The following GARNL3 variants were observed in gnomAD, a reference collection of about 807,000 sequenced individuals.
The protein encoded by GARNL3 is GTPase activating Rap/RanGAP domain like 3.
GARNL3 carries 63 observed loss-of-function variants against 125.0 expected under a neutral mutation model. The observed-to-expected ratio is 0.50, with a 90% confidence interval of 0.41 to 0.62. The LOEUF is 0.62. Ranked by LOEUF, GARNL3 falls within the 20% of genes least tolerant of loss-of-function variation. The probability of loss-of-function intolerance (pLI) is 0.00; values close to 1 mark genes in which losing one functional copy is unlikely to be tolerated. For missense variants in GARNL3, 994 were observed against 1,244.0 expected (o/e 0.80, Z 3.02); for synonymous variants, 439 against 457.5 (o/e 0.96, Z 0.52).
chr9:127,257,527 A>G (rs914050283), intron 2 of GARNL3, among the ~76,000 whole-genome samples: 9 of 152,340 alleles, frequency 5.9e-5, no homozygotes, highest in Admixed American at 5.9e-4. Flanking sequence ...GGATTGCCAC[A>G]AGTCTTTATT....
chr9:127,326,614 A>T (rs534508378), intron 7 of GARNL3, among the ~76,000 whole-genome samples: 1 of 152,298 alleles, frequency 6.6e-6, no homozygotes, highest in Non-Finnish European at 1.5e-5. Context: ...CTAATGTATA[A>T]TACACCTACT....
chr9:127,297,705 A>T (rs2064646372), intron 2 of GARNL3, among the ~76,000 whole-genome samples: 2 of 152,252 alleles, frequency 1.3e-5, no homozygotes, highest in South Asian at 2.1e-4. Context: ...TCTATTTAGT[A>T]AAATTCAGTT....
chr9:127,386,334 A>G (rs1588980342), intron 24 of GARNL3, among the ~76,000 whole-genome samples: 1 of 152,248 alleles, frequency 6.6e-6, no homozygotes, highest in African/African-American at 2.4e-5. Context: ...CTTGTTCATT[A>G]CTAGTACTTT....
Position 127,333,077 on chromosome 9 carries a change from C to T in GARNL3, c.725C>T (p.Thr242Ile). ...KFLNLLGDTITLKGWTGYRGG... is the reference protein window; with the variant it reads ...KFLNLLGDTIILKGWTGYRGG... ...TTAAATCTTCTGGGTGACACAATCA[C>T]TCTAAAGGGCTGGACGGGCTACCGT... Residue 242 changes from threonine (T) to isoleucine (I), a missense_variant, in exon 9 of 28, where the codon ACT becomes ATT. By Grantham distance (89) the Thr-to-Ile change is moderately conservative. This residue lies in a region of GARNL3 where 71 missense variants were observed against 66.2 expected (regional missense o/e 1.07). Transcript: ENST00000373387. The T allele has an allele frequency of 6.2e-7, 1 of 1,614,120 alleles. No homozygotes were observed. Among genetic ancestry groups the T allele is most frequent in the Non-Finnish European group, 8.5e-7 (1 of 1,179,970 alleles).
intron 1 of GARNL3, among the ~76,000 whole-genome samples, chr9:127,231,228 G>GGT (rs1446896913): frequency 2.1e-4 from 21 of 100,526 alleles, no homozygotes; most frequent in Middle Eastern, 7.0e-3. Flanking sequence ...CTAATTTTTT[G>GGT]TTTTTTTTTT....
At chr9:127,237,948 C>T (rs1564839927) in intron 1 of GARNL3, among the ~76,000 whole-genome samples, 1 of 152,330 alleles carries the variant, frequency 6.6e-6, no homozygotes, top group East Asian at 1.9e-4. Flanking sequence ...CTCCTGTGCA[C>T]TTGTCACAGT....
intron 22 of GARNL3, among the ~76,000 whole-genome samples, chr9:127,374,521 A>G (rs1465784649): frequency 2.0e-5 from 3 of 152,232 alleles, no homozygotes; most frequent in Non-Finnish European, 4.4e-5. Context: ...ATTGAACTTC[A>G]TCAAAACTAA....
chr9:127,305,280 C>T (rs1422419249), intron 2 of GARNL3, among the ~76,000 whole-genome samples: 1 of 152,212 alleles, frequency 6.6e-6, no homozygotes, highest in Admixed American at 6.5e-5. Flanking sequence ...ACTAGTACTA[C>T]ACATCATCGG....
intron 22 of GARNL3, among the ~76,000 whole-genome samples, chr9:127,371,353 T>C (rs920545650): frequency 6.6e-6 from 1 of 152,162 alleles, no homozygotes; most frequent in Non-Finnish European, 1.5e-5. Context: ...CAAGCCAGCC[T>C]CTGCCTTCCT....
rs1022904444 is a variant in GARNL3 at position 127,364,027 on chromosome 9, A to G, written c.2095-1273A>G. ...GGCTAAGCCATTTGCCACACACCAC[A>G]GAGGCAGTAAGTGGCCTAGACAGGG... On this transcript the variant is annotated intron_variant, in intron 21 of 27. Transcript: ENST00000373387. This position sits in a 1 kb window ranked among gnomAD's most constrained non-coding sequence, Gnocchi z 4.2. 1.3e-5 allele frequency: 2 copies of G among 152,250 alleles called. No homozygotes were observed. Among genetic ancestry groups the G allele is most frequent in the African/African-American group, 4.8e-5 (2 of 41,442 alleles). The allele number at this position is 152,250 out of a possible 1,614,324, so 9.4% of individuals were successfully genotyped here.
At chr9:127,355,770 A>G (rs1180603782) in intron 20 of GARNL3, among the ~76,000 whole-genome samples, 1 of 152,266 alleles carries the variant, frequency 6.6e-6, no homozygotes. Context: ...AAATAAAGCT[A>G]TGATGGCTGG....
chr9:127,245,142 C>G (rs1176072064), intron 2 of GARNL3, among the ~76,000 whole-genome samples: 1 of 152,212 alleles, frequency 6.6e-6, no homozygotes, highest in Non-Finnish European at 1.5e-5. Flanking sequence ...GAGCTCCGAG[C>G]AGGAGTTAAA....
chr9:127,366,745 G>A (rs1290221592), intron 22 of GARNL3: 1 of 152,226 alleles, frequency 6.6e-6, no homozygotes, highest in Non-Finnish European at 1.5e-5. Context: ...AACAAATGTG[G>A]ATGCCATGGG....
At chr9:127,285,345 C>T (rs2064218923) in intron 1 of GARNL3, among the ~76,000 whole-genome samples, 1 of 152,196 alleles carries the variant, frequency 6.6e-6, no homozygotes, top group South Asian at 2.1e-4. Flanking sequence ...ATCGCTCGAA[C>T]TCGGGAGGCA....
In GARNL3 at chr9:127,249,535, G is replaced by A. The variant is rs188925261; in HGVS notation, c.143+6286G>A. On this transcript the variant is annotated intron_variant, in intron 2 of 10. Transcript: ENST00000439286. ...CGGGAAGTTGAGGCTGCAATGAGCC[G>A]TGATCGTGTCACTGTACTTCTGCCT... 7.9e-5 allele frequency among the ~76,000 whole-genome samples: 12 copies of A among 152,272 alleles called. No homozygotes were observed. The South Asian group carries it at 1.2e-3, about 16-fold the overall frequency.
At chr9:127,391,552 A>ATATATATATATATG (rs1292380673) in intron 27 of GARNL3, among the ~76,000 whole-genome samples, 3 of 128,994 alleles carry the variant, frequency 2.3e-5, no homozygotes, top group African/African-American at 8.6e-5. Context: ...ATATATATAT[A>ATATATATATATATG]GGCTGGGTCT....
chr9:127,247,378 G>T (rs1183921199), intron 2 of GARNL3, among the ~76,000 whole-genome samples: 1 of 152,200 alleles, frequency 6.6e-6, no homozygotes, highest in Non-Finnish European at 1.5e-5. Context: ...AAAAGGGACG[G>T]ATCTGGCTTC....
chr9:127,318,979 G>A (rs1225612511), intron 5 of GARNL3, among the ~76,000 whole-genome samples: 1 of 152,184 alleles, frequency 6.6e-6, no homozygotes, highest in Non-Finnish European at 1.5e-5. Flanking sequence ...TCCAGAGCTT[G>A]GGCTGTTTAA....
intron 1 of GARNL3, among the ~76,000 whole-genome samples, chr9:127,241,163 GA>G (rs144583619): frequency 0.039 from 5,998 of 152,268 alleles, 395 homozygotes; most frequent in African/African-American, 0.14. Context: ...GCCTGAAACT[GA>G]AGTCTCACTG....
Sources: allele counts gnomAD v4.1 joint callset (sites outside exome capture counted in the v4.1 genomes callset), GRCh38; gene constraint gnomAD v4.1.1; regional missense constraint gnomAD v4.1.1; non-coding constraint Gnocchi (gnomAD v3.1); transcripts MANE v1.5; gene names NCBI Gene and HGNC (gene_info 2026-07-23, HGNC 2026-07-21).